The following SLC9A3 variants were observed in gnomAD, a reference collection of about 807,000 sequenced individuals.
SLC9A3 encodes sodium/hydrogen exchanger 3.
In SLC9A3, 37 loss-of-function variants were observed where a neutral mutation model predicts 86.8. That is an observed-to-expected ratio of 0.43 (90% CI 0.33 to 0.56). The LOEUF is 0.56. SLC9A3 is among the 20% of genes least tolerant of loss of function. The probability of loss-of-function intolerance (pLI) is 0.06; values close to 1 mark genes in which losing one functional copy is unlikely to be tolerated. For missense variants in SLC9A3, 1,011 were observed against 1,171.9 expected, an observed-to-expected ratio of 0.86 and a Z score of 2.00; for synonymous variants, 581 against 528.3, an observed-to-expected ratio of 1.10 and a Z score of -1.37.
At chr5:512,711 GT>G (rs992819211) in intron 1 of SLC9A3, among the ~76,000 whole-genome samples, 36 of 152,214 alleles carry the variant, frequency 2.4e-4, no homozygotes, top group African/African-American at 4.1e-4. Context: ...CCCCGAAGCT[GT>G]TGGGGGGGCA....
At chr5:518,021 T>TCATC (rs1560977685) in intron 1 of SLC9A3, among the ~76,000 whole-genome samples, 1 of 151,504 alleles carries the variant, frequency 6.6e-6, no homozygotes, top group Non-Finnish European at 1.5e-5. Context: ...ATCTATTCAC[T>TCATC]CATCCATCCA....
intron 1 of SLC9A3, among the ~76,000 whole-genome samples, chr5:506,286 A>G (rs1740575120): frequency 6.6e-6 from 1 of 152,158 alleles, no homozygotes; most frequent in South Asian, 2.1e-4. Context: ...AGGTGGAAAG[A>G]CACACGAAAG....
At chr5:499,269 C>A (rs928737335) in intron 1 of SLC9A3, among the ~76,000 whole-genome samples, 1 of 152,264 alleles carries the variant, frequency 6.6e-6, no homozygotes, top group Non-Finnish European at 1.5e-5. Flanking sequence ...ATTAAGCACA[C>A]AATGGACGTT....
intron 1 of SLC9A3, among the ~76,000 whole-genome samples, chr5:512,583 TG>T (rs1237313107): frequency 2.7e-5 from 4 of 150,548 alleles, no homozygotes; most frequent in East Asian, 1.9e-4. Flanking sequence ...ATAGGGGGAG[TG>T]GGGGGTGGAA....
In SLC9A3 at chr5:472,572, C is replaced by A; in HGVS notation, c.*807G>T. The A allele has an allele frequency of 2.8e-6, 1 of 356,700 alleles. No homozygotes were observed. Among genetic ancestry groups the A allele is most frequent in the Non-Finnish European group, 5.6e-6 (1 of 178,430 alleles). 22.1% of individuals were successfully genotyped at this position (356,700 alleles called of 1,614,324 possible). On this transcript the variant is annotated 3_prime_UTR_variant, in exon 17 of 17. Coordinates refer to ENST00000264938, the MANE Select transcript of SLC9A3 (RefSeq NM_004174.4). ...CGTGTCCGGGGCCGCCACCCTGAGA[C>A]CGGGCGCGGGCAGGACGGAACCTGG...
chr5:517,746 C>CCCATCCAT lies in SLC9A3; in HGVS notation c.211+6358_211+6365dup, dbSNP rs201429949. On this transcript the variant is annotated intron_variant, in intron 1 of 16. Coordinates refer to ENST00000264938, the MANE Select transcript of SLC9A3 (RefSeq NM_004174.4). The stretch of plus-strand genomic sequence containing the variant: ...AGCCATCCACCCATCCATCCATTCA[C>CCCATCCAT]CCATCCATCCATCCATCCACCCATC... Among the ~76,000 whole-genome samples the CCCATCCAT allele has an allele frequency of 2.0e-5, 3 of 149,716 alleles. No homozygotes were observed. In the East Asian group the frequency reaches 6.0e-4, roughly 30 times the overall value.
In SLC9A3 at chr5:491,237, G is replaced by A. The variant is rs1057425865; in HGVS notation, c.514+532C>T. Among the ~76,000 whole-genome samples the A allele has an allele frequency of 5.9e-5, 9 of 152,306 alleles. No homozygotes were observed. The highest frequency in any genetic ancestry group is 1.7e-4 in the African/African-American group (7 of 41,580). ...CAGCGGCGGGCATCAGGGCTGCACC[G>A]CACCTGGCATGTTGAGAGGCGCCAG... On this transcript the variant is annotated intron_variant, in intron 2 of 16. Transcript: ENST00000264938. The surrounding 1 kb of genome is among the most constrained non-coding windows in gnomAD (Gnocchi z 9.2).
rs1358995384 is a variant in SLC9A3 at position 491,305 on chromosome 5, G to T, written c.514+464C>A. ...CCGGGGCGGGAGGCAGTGCCCGAGA[G>T]ATGAAGCATCCAAGACCAAAACCGC... On this transcript the variant is annotated intron_variant, in intron 2 of 16. Coordinates refer to ENST00000264938, the MANE Select transcript of SLC9A3 (RefSeq NM_004174.4). This position sits in a 1 kb window ranked among gnomAD's most constrained non-coding sequence, Gnocchi z 9.2. Among the ~76,000 whole-genome samples the T allele has an allele frequency of 2.0e-5, 3 of 152,176 alleles. No homozygotes were observed. In the East Asian group the frequency reaches 5.8e-4, roughly 29 times the overall value.
rs530365805 is a variant in SLC9A3, at chr5:491,347, C to T, written c.514+422G>A. Reference sequence around the variant, plus strand: ...CAAAACCGCGCAGCAGTTCTGGCTCCGGCTGTGGCTGCAGCGGTGGCCGAG... The same window carrying T: ...CAAAACCGCGCAGCAGTTCTGGCTCTGGCTGTGGCTGCAGCGGTGGCCGAG... On this transcript the variant is annotated intron_variant, in intron 2 of 16. Transcript: ENST00000264938. The surrounding 1 kb of genome is among the most constrained non-coding windows in gnomAD (Gnocchi z 9.2). Among the ~76,000 whole-genome samples, 136 of 152,272 alleles carry T rather than the reference C, an allele frequency of 8.9e-4. No homozygotes were observed. The Middle Eastern group carries it at 0.014, about 15-fold the overall frequency.
At position 496,711 on chromosome 5, in the gene SLC9A3, T is replaced by A. The variant is rs1740035296; in HGVS notation, c.212-4640A>T. ...CAAAGCCATTCCTGCTCATGTTTCC[T>A]GCTAAATTTTTTAGCAGGAAAAATA... On this transcript the variant is annotated intron_variant, in intron 1 of 16. Transcript: ENST00000264938. The surrounding 1 kb of genome is among the most constrained non-coding windows in gnomAD (Gnocchi z 4.7). 6.6e-6 allele frequency among the ~76,000 whole-genome samples: 1 copy of A among 152,216 alleles called. No individual in the cohort carries two copies.
intron 1 of SLC9A3, among the ~76,000 whole-genome samples, chr5:507,163 C>CTTTTTTTTTTTTTTT (rs1740624902): frequency 2.9e-5 from 1 of 34,754 alleles, no homozygotes; most frequent in Non-Finnish European, 5.6e-5. Context: ...CCGGCTGCTG[C>CTTTTTTTTTTTTTTT]TTCTTTTTTT....
chr5:485,194 C>T lies in SLC9A3; in HGVS notation c.713G>A (p.Gly238Glu). 6.2e-7 allele frequency: 1 copy of T among 1,613,978 alleles called. No homozygotes were observed. Among genetic ancestry groups the T allele is most frequent in the Non-Finnish European group, 8.5e-7 (1 of 1,180,012 alleles). ...YNVFESFVAL[G>E]GDNVTGVDCV... ...GTCCACGCCAGTCACGTTGTCACCT[C>T]CCAGCGCCACGAAAGATTCAAACAC... The change falls in exon 4 of 17, where the codon GGA (glycine) becomes GAA (glutamate). Residue 238 changes from glycine (G) to glutamate (E), a missense_variant. Physicochemically the swap from Gly to Glu is moderately conservative, Grantham distance 98. Coordinates refer to ENST00000264938, the MANE Select transcript of SLC9A3 (RefSeq NM_004174.4).
chr5:505,589 T>G (rs1042853679), intron 1 of SLC9A3, among the ~76,000 whole-genome samples: 6 of 810 alleles, frequency 7.4e-3, no homozygotes, highest in East Asian at 0.016. Context: ...TGTGGGGGGG[T>G]GGGGAGTGAC....
chr5:494,689 C>T lies in SLC9A3; in HGVS notation c.212-2618G>A, dbSNP rs574639548. On this transcript the variant is annotated intron_variant, in intron 1 of 16. Coordinates refer to ENST00000264938, the MANE Select transcript of SLC9A3 (RefSeq NM_004174.4). Reference sequence around the variant, plus strand: ...TAGGAAGACCAGGGTGGTCTGTGCCCGGTGCCGGCGCCTGCCCACCCGCAG... The same window carrying T: ...TAGGAAGACCAGGGTGGTCTGTGCCTGGTGCCGGCGCCTGCCCACCCGCAG... 2.5e-4 allele frequency among the ~76,000 whole-genome samples: 38 copies of T among 152,308 alleles called. No homozygotes were observed. In the South Asian group the frequency reaches 7.5e-3, roughly 30 times the overall value.
chr5:480,013 G>A, intron 9 of SLC9A3, 48 bp from the exon 10 acceptor site: 3 of 1,590,630 alleles, frequency 1.9e-6, no homozygotes, highest in Non-Finnish European at 1.7e-6. Flanking sequence ...AGGCGCCCTA[G>A]AGCCCGCCGG....
chr5:483,474 A>C lies in SLC9A3; in HGVS notation c.941T>G (p.Phe314Cys). Residue 314 changes from phenylalanine (F) to cysteine (C), a missense_variant, in exon 6 of 17, where the codon TTC becomes TGC. Phe to Cys is a radical substitution (Grantham distance 205). Around this residue, in one of 3 missense-constraint regions of SLC9A3, gnomAD observed 565 missense variants for 790.0 expected, o/e 0.72. Transcript: ENST00000264938. The stretch of plus-strand genomic sequence containing the variant: ...ATACTTCTGACAGCAGATGCCACAG[A>C]AGGTGATGCTGCAGGGACAGACGCG... ...LSLSAILAIT[F>C]CGICCQKYVK... The C allele has an allele frequency of 6.3e-7, 1 of 1,575,126 alleles. No homozygotes were observed. The highest frequency in any genetic ancestry group is 2.3e-5 in the East Asian group (1 of 42,748).
intron 1 of SLC9A3, among the ~76,000 whole-genome samples, chr5:503,139 C>T (rs565503792): frequency 1.3e-5 from 2 of 152,256 alleles, no homozygotes; most frequent in South Asian, 2.1e-4. Context: ...GATAGACTTA[C>T]GAGCAGACAG....
rs867958155 is a variant in SLC9A3, at chr5:477,194, A to C, written c.1760+138T>G. The C allele has an allele frequency of 1.7e-4, 101 of 610,218 alleles. No homozygotes were observed. The Middle Eastern group carries it at 0.013, about 77-fold the overall frequency. 37.8% of individuals were successfully genotyped at this position (610,218 alleles called of 1,614,324 possible). On this transcript the variant is annotated intron_variant, in intron 11 of 16. Coordinates refer to ENST00000264938, the MANE Select transcript of SLC9A3 (RefSeq NM_004174.4). ...AATATAGGAGGGCTTGTGGAAGGAG[A>C]CACCCACCCCCTCTTTCTGCACCTC...
chr5:480,115 G>A (rs1245321918), intron 9 of SLC9A3, 150 bp from the exon 10 acceptor site: 17 of 788,796 alleles, frequency 2.2e-5, no homozygotes, highest in Non-Finnish European at 2.7e-5. Context: ...CCTGCCACAC[G>A]CCCAGGCCGT....
Sources: gnomAD v4.1 joint callset for allele counts (sites outside exome capture counted in the v4.1 genomes callset) on GRCh38, gnomAD v4.1.1 for gene constraint, gnomAD v4.1.1 regional missense constraint, Gnocchi (gnomAD v3.1) non-coding constraint, MANE v1.5 for transcripts, NCBI Gene and HGNC (gene_info 2026-07-23, HGNC 2026-07-21) for gene names.